Variants in PPP2R2C observed in about 807,000 individuals in gnomAD.
PPP2R2C encodes protein phosphatase 2 regulatory subunit Bgamma.
Under a neutral mutation model 45.3 loss-of-function variants are expected in PPP2R2C, and 10 were observed. The ratio of observed to expected loss-of-function variants is 0.22; its 90% CI spans 0.14 to 0.37. The LOEUF is 0.37. Ranked by LOEUF, PPP2R2C falls within the 10% of genes least tolerant of loss-of-function variation. The pLI, the probability that PPP2R2C is intolerant of heterozygous loss-of-function variation, is 1.00. For synonymous variants in PPP2R2C, 257 were observed against 245.4 expected (o/e 1.05, Z -0.44); for missense variants, 308 against 619.7 (o/e 0.50, Z 5.34).
At chr4:6,441,773 C>T (rs553421609) in intron 1 of PPP2R2C, among the ~76,000 whole-genome samples, 1 of 152,326 alleles carries the variant, frequency 6.6e-6, no homozygotes, top group South Asian at 2.1e-4. Flanking sequence ...CCCAGCCACA[C>T]ACATGCAACA....
chr4:6,399,752 G>A (rs1717290330), intron 1 of PPP2R2C, among the ~76,000 whole-genome samples: 1 of 152,210 alleles, frequency 6.6e-6, no homozygotes, highest in African/African-American at 2.4e-5. Flanking sequence ...GGACCGTTTA[G>A]ATGTGGCATT....
chr4:6,414,357 T>A (rs73206167), intron 1 of PPP2R2C, among the ~76,000 whole-genome samples: 5,101 of 152,176 alleles, frequency 0.034, 140 homozygotes, highest in Middle Eastern at 0.078. Context: ...ATGTGCACGG[T>A]GGGCATTCTG....
At chr4:6,369,362 C>T (rs1054878858) in intron 5 of PPP2R2C, among the ~76,000 whole-genome samples, 1 of 152,232 alleles carries the variant, frequency 6.6e-6, no homozygotes, top group Non-Finnish European at 1.5e-5. Context: ...TTTGTGTGCA[C>T]AGCCGTTATG....
At chr4:6,490,053 G>T (rs1473170326) in intron 2 of PPP2R2C, among the ~76,000 whole-genome samples, 1 of 152,188 alleles carries the variant, frequency 6.6e-6, no homozygotes, top group Non-Finnish European at 1.5e-5. Flanking sequence ...GCTCTCTAGT[G>T]ATCAATAATT....
rs1714140724 is a variant in PPP2R2C at position 6,364,860 on chromosome 4, G to T, written c.625+7663C>A. ...ATGCTGGGGGCAGACAGGCAGGTGGGCTCTGGGTGCATTTGGACGATGGGA... is the reference window on the plus strand; with the variant it reads ...ATGCTGGGGGCAGACAGGCAGGTGGTCTCTGGGTGCATTTGGACGATGGGA... On this transcript the variant is annotated intron_variant, in intron 5 of 8. Transcript: ENST00000382599. The surrounding 1 kb of genome is among the most constrained non-coding windows in gnomAD (Gnocchi z 5.3). Among the ~76,000 whole-genome samples, 1 of 152,196 alleles carries T rather than the reference G, an allele frequency of 6.6e-6. No homozygotes were observed. Among genetic ancestry groups the T allele is most frequent in the African/African-American group, 2.4e-5 (1 of 41,444 alleles).
intron 1 of PPP2R2C, among the ~76,000 whole-genome samples, chr4:6,432,169 C>A (rs1719661248): frequency 6.6e-6 from 1 of 152,210 alleles, no homozygotes; most frequent in African/African-American, 2.4e-5. Context: ...CTCAGTCCCT[C>A]CCCATCCTCA....
chr4:6,382,053 C>A, intron 1 of PPP2R2C: 1 of 1,404,580 alleles, frequency 7.1e-7, no homozygotes, highest in East Asian at 2.7e-5. Context: ...AGCCTGAGGC[C>A]TGCTCCACCA....
chr4:6,349,359 C>A, intron 5 of PPP2R2C: 1 of 975,176 alleles, frequency 1.0e-6, no homozygotes, highest in Non-Finnish European at 1.2e-6. Context: ...TCAGCTTCCT[C>A]ATCTGTAAAA....
intron 2 of PPP2R2C, among the ~76,000 whole-genome samples, chr4:6,525,413 T>TAAAG (rs1724167020): frequency 4.9e-5 from 2 of 40,998 alleles, no homozygotes; most frequent in Non-Finnish European, 1.6e-4. Flanking sequence ...TCAAAATAAG[T>TAAAG]AAATAAATAA....
chr4:6,392,081 C>T (rs1020541921), intron 1 of PPP2R2C, among the ~76,000 whole-genome samples: 3 of 152,186 alleles, frequency 2.0e-5, no homozygotes, highest in African/African-American at 7.2e-5. Flanking sequence ...TTAACAGGTA[C>T]AGAGTCTCTG....
At chr4:6,446,443 G>A (rs558552151) in intron 1 of PPP2R2C, among the ~76,000 whole-genome samples, 6 of 152,160 alleles carry the variant, frequency 3.9e-5, no homozygotes, top group South Asian at 4.1e-4. Flanking sequence ...GGGAACAGAC[G>A]GATCCTTGCA....
chr4:6,474,805 C>G (rs933441689), upstream of PPP2R2C, among the ~76,000 whole-genome samples: 9 of 151,254 alleles, frequency 6.0e-5, no homozygotes, highest in African/African-American at 1.9e-4. Context: ...AGCCCTCCCC[C>G]TCCAGCACAA....
chr4:6,561,525 T>C (rs1725577503), intron 1 of PPP2R2C, among the ~76,000 whole-genome samples: 1 of 152,148 alleles, frequency 6.6e-6, no homozygotes, highest in South Asian at 2.1e-4. Context: ...ATTTCCATAT[T>C]GTTTCATGTT....
At chr4:6,423,017 C>T (rs1476996115) in intron 1 of PPP2R2C, among the ~76,000 whole-genome samples, 2 of 152,174 alleles carry the variant, frequency 1.3e-5, no homozygotes, top group Non-Finnish European at 2.9e-5. Context: ...GGGTTGTCAT[C>T]GCATCCCAGG....
chr4:6,328,081 C>G lies in PPP2R2C; in HGVS notation c.1052+1181G>C, dbSNP rs1732102441. ...CACATGACCACCACAGTGCCAGCCA[C>G]CCTCAGAGGTCTGGGAGAGCCCAGA... On this transcript the variant is annotated intron_variant, in intron 8 of 8. Transcript: ENST00000382599. This position sits in a 1 kb window ranked among gnomAD's most constrained non-coding sequence, Gnocchi z 4.4. Among the ~76,000 whole-genome samples, 1 of 152,108 alleles carries G rather than the reference C, an allele frequency of 6.6e-6. No homozygotes were observed.
chr4:6,333,887 G>C (rs1270734456), intron 6 of PPP2R2C, among the ~76,000 whole-genome samples, 156 bp from the exon 7 acceptor site: 2 of 152,172 alleles, frequency 1.3e-5, no homozygotes, highest in Non-Finnish European at 2.9e-5. Flanking sequence ...CAGGGAACAA[G>C]CCTGGTAAGA....
At chr4:6,352,787 T>G (rs1712691625) in intron 5 of PPP2R2C, among the ~76,000 whole-genome samples, 1 of 152,144 alleles carries the variant, frequency 6.6e-6, no homozygotes, top group African/African-American at 2.4e-5. Flanking sequence ...ATAGCATGTG[T>G]CCATAACATC....
In PPP2R2C at chr4:6,471,074, C is replaced by T. The variant is rs2108769664; in HGVS notation, c.70+1086G>A. On this transcript the variant is annotated intron_variant, in intron 1 of 8. Coordinates refer to ENST00000382599, the MANE Select transcript of PPP2R2C (RefSeq NM_020416.4). The surrounding 1 kb of genome is among the most constrained non-coding windows in gnomAD (Gnocchi z 5.6). ...GGACCCAGCCGCAGGAGCCCGGTCT[C>T]CGCCGCCTGGCCCACTCGGTCTCCC... 6.6e-6 allele frequency among the ~76,000 whole-genome samples: 1 copy of T among 152,284 alleles called. No individual in the cohort carries two copies. The highest frequency in any genetic ancestry group is 2.1e-4 in the South Asian group (1 of 4,832).
chr4:6,414,128 G>A lies in PPP2R2C; in HGVS notation c.71-33034C>T, dbSNP rs76686132. 4.3e-3 allele frequency: 5,195 copies of A among 1,197,088 alleles called. 180 individuals carry two copies. In the East Asian group the frequency reaches 0.082, roughly 19 times the overall value. 74.2% of individuals were successfully genotyped at this position (1,197,088 alleles called of 1,614,324 possible). A position where few individuals can be genotyped will look rare whatever the true frequency, so the allele number is the denominator to read the frequency against. On this transcript the variant is annotated intron_variant, in intron 1 of 8. Transcript: ENST00000382599. ...TGTGTGTGTGTGTGTGTGTGTACAG[G>A]TAAATAAACATTGAAAGAAACAAAA...
Sources: gnomAD v4.1 joint callset for allele counts (sites outside exome capture counted in the v4.1 genomes callset) on GRCh38, gnomAD v4.1.1 for gene constraint, Gnocchi (gnomAD v3.1) non-coding constraint, MANE v1.5 for transcripts, NCBI Gene and HGNC (gene_info 2026-07-23, HGNC 2026-07-21) for gene names.